CDRT4: variants seen among roughly 807,000 people sequenced by gnomAD.
The protein encoded by CDRT4 is CMT1A duplicated region transcript 4 protein.
For synonymous variants in CDRT4, 64 were observed against 69.6 expected, an observed-to-expected ratio of 0.92 and a Z score of 0.40; for missense variants, 167 against 193.1, an observed-to-expected ratio of 0.87 and a Z score of 0.80.
rs908080326 is a variant in CDRT4, at chr17:15,436,142, G to C, written c.*1631C>G. Reference sequence around the variant, plus strand: ...TTCGAAGAATTCATTCTGGCCAACAGTTGGGAACCAATAACAGGTCTAGAG... The same window carrying C: ...TTCGAAGAATTCATTCTGGCCAACACTTGGGAACCAATAACAGGTCTAGAG... On this transcript the variant is annotated 3_prime_UTR_variant, in exon 4 of 4. Coordinates refer to ENST00000619038, the MANE Select transcript of CDRT4 (RefSeq NM_001204477.2). The C allele has an allele frequency of 1.3e-5, 2 of 152,198 alleles. No individual in the cohort carries two copies. Among genetic ancestry groups the C allele is most frequent in the African/African-American group, 4.8e-5 (2 of 41,448 alleles). 9.4% of individuals were successfully genotyped at this position (152,198 alleles called of 1,614,324 possible).
rs147439329 is a variant in CDRT4 at position 15,464,932 on chromosome 17, AACAC to A, written c.-130+2524_-130+2527del. Reference sequence around the variant, plus strand: ...GGTTCAAGAAAGTGCAAGTGGGTGCAACACACACACACACCAACACACAGACACA... The same window carrying A: ...GGTTCAAGAAAGTGCAAGTGGGTGCAACACACACACCAACACACAGACACA... On this transcript the variant is annotated intron_variant, in intron 1 of 3. Transcript: ENST00000619038. This position sits in a 1 kb window ranked among gnomAD's most constrained non-coding sequence, Gnocchi z 4.5. 2.0e-5 allele frequency among the ~76,000 whole-genome samples: 3 copies of A among 151,648 alleles called. No individual in the cohort carries two copies. In the South Asian group the frequency reaches 6.2e-4, roughly 32 times the overall value.
chr17:15,437,899 A>C lies in CDRT4; in HGVS notation c.333T>G (p.Ala111=). The C allele has an allele frequency of 6.2e-7, 1 of 1,614,130 alleles. No homozygotes were observed. Among genetic ancestry groups the C allele is most frequent in the Non-Finnish European group, 8.5e-7 (1 of 1,180,030 alleles). Residue 111 remains alanine (A), a synonymous_variant, in exon 4 of 4, where the codon GCT becomes GCG. Coordinates refer to ENST00000619038, the MANE Select transcript of CDRT4 (RefSeq NM_001204477.2). The stretch of plus-strand genomic sequence containing the variant: ...GTGTGGGTTCTGGGATCATGGTAGG[A>C]GCCATGGCCAATACCGAATAAGCGC... The part of the protein sequence containing the change: ...MWGAYSVLAM[A]PTMIPEPTHL...
rs1466990232 is a variant in CDRT4, at chr17:15,436,234, A to C, written c.*1539T>G. ...CCAGAGGTGAGTTCTCCAAAGCTGC[A>C]CCTGTGTCTGCAAACGTTTACACAA... is the stretch of plus-strand genomic sequence containing the variant. On this transcript the variant is annotated 3_prime_UTR_variant, in exon 4 of 4. Coordinates refer to ENST00000619038, the MANE Select transcript of CDRT4 (RefSeq NM_001204477.2). 1 of 152,196 alleles carries C rather than the reference A, an allele frequency of 6.6e-6. No homozygotes were observed. The highest frequency in any genetic ancestry group is 1.9e-4 in the East Asian group (1 of 5,188). 9.4% of individuals were successfully genotyped at this position (152,196 alleles called of 1,614,324 possible). A position where few individuals can be genotyped will look rare whatever the true frequency, so the allele number is the denominator to read the frequency against.
At position 15,440,194 on chromosome 17, in the gene CDRT4, A is replaced by T; in HGVS notation, c.31+14T>A. The T allele has an allele frequency of 6.2e-7, 1 of 1,612,700 alleles. No homozygotes were observed. Among genetic ancestry groups the T allele is most frequent in the African/African-American group, 1.3e-5 (1 of 74,538 alleles). ...CAGTGCAGGAGCTTCCACTGGTAAC[A>T]CTCCCAACCCTACCTTCTTCTTTCT... On this transcript the variant is annotated intron_variant, in intron 3 of 3. Coordinates refer to ENST00000619038, the MANE Select transcript of CDRT4 (RefSeq NM_001204477.2).
At chr17:15,466,886 T>C (rs1300526508) in intron 1 of CDRT4, among the ~76,000 whole-genome samples, 3 of 152,250 alleles carry the variant, frequency 2.0e-5, no homozygotes, top group Non-Finnish European at 4.4e-5. Flanking sequence ...TTGATTATTA[T>C]TGTTTTGTAA....
intron 2 of CDRT4, among the ~76,000 whole-genome samples, chr17:15,443,090 T>G (rs1411510055): frequency 6.6e-6 from 1 of 152,092 alleles, no homozygotes; most frequent in African/African-American, 2.4e-5. Flanking sequence ...GCTCAATCTC[T>G]CATCCCACCA....
intron 2 of CDRT4, 129 bp downstream of exon 2, chr17:15,452,875 T>TCC (rs2150793266): frequency 6.6e-6 from 1 of 152,210 alleles, no homozygotes; most frequent in Non-Finnish European, 1.5e-5. Context: ...TCTTTCTCTT[T>TCC]CTCTCTCTCC....
At chr17:15,443,980 G>A in intron 2 of CDRT4, 2 of 723,220 alleles carry the variant, frequency 2.8e-6, no homozygotes, top group South Asian at 1.4e-5. Context: ...AATTTCTTGG[G>A]TGAAAAATAC....
rs147439329 is a variant in CDRT4, at chr17:15,464,932, AAC to A, written c.-130+2526_-130+2527del. Among the ~76,000 whole-genome samples, 123 of 151,756 alleles carry A rather than the reference AAC, an allele frequency of 8.1e-4. No individual in the cohort carries two copies. The highest frequency in any genetic ancestry group is 1.5e-3 in the Non-Finnish European group (103 of 67,820). On this transcript the variant is annotated intron_variant, in intron 1 of 3. Coordinates refer to ENST00000619038, the MANE Select transcript of CDRT4 (RefSeq NM_001204477.2). The surrounding 1 kb of genome is among the most constrained non-coding windows in gnomAD (Gnocchi z 4.5). The stretch of plus-strand genomic sequence containing the variant: ...GGTTCAAGAAAGTGCAAGTGGGTGC[AAC>A]ACACACACACACCAACACACAGACA...
intron 2 of CDRT4, among the ~76,000 whole-genome samples, chr17:15,446,931 TCATGCACA>T (rs1979053365): frequency 6.6e-6 from 1 of 152,330 alleles, no homozygotes; most frequent in Non-Finnish European, 1.5e-5. Flanking sequence ...ACATATTCAT[TCATGCACA>T]CATGCACACA....
At chr17:15,444,259 A>G in intron 2 of CDRT4, 1 of 576,854 alleles carries the variant, frequency 1.7e-6, no homozygotes. Context: ...TGTGATATTT[A>G]AAAGATGCAA....
intron 1 of CDRT4, among the ~76,000 whole-genome samples, chr17:15,459,693 G>C (rs1025534285): frequency 6.6e-5 from 10 of 151,922 alleles, no homozygotes; most frequent in Non-Finnish European, 1.5e-4. Context: ...TGATCCGCCC[G>C]CCTCGGCCTC....
chr17:15,444,301 C>T (rs1978917263), intron 2 of CDRT4: 1 of 485,556 alleles, frequency 2.1e-6, no homozygotes, highest in African/African-American at 2.0e-5. Flanking sequence ...AAAAAAATGT[C>T]TGGAAATTAA....
intron 2 of CDRT4, among the ~76,000 whole-genome samples, chr17:15,441,663 G>C (rs531491132): frequency 6.6e-6 from 1 of 152,140 alleles, no homozygotes; most frequent in East Asian, 1.9e-4. Context: ...TTTTTATAGA[G>C]TAAATTATTC....
At chr17:15,447,785 C>A (rs1330911820) in intron 2 of CDRT4, among the ~76,000 whole-genome samples, 1 of 152,114 alleles carries the variant, frequency 6.6e-6, no homozygotes, top group Non-Finnish European at 1.5e-5. Context: ...CCAGAACTAG[C>A]CAAGCAGGCA....
Position 15,437,897 on chromosome 17 carries a change from G to C in CDRT4, c.335C>G (p.Pro112Arg). 1 of 1,614,190 alleles carries C rather than the reference G, an allele frequency of 6.2e-7. No homozygotes were observed. The highest frequency in any genetic ancestry group is 8.5e-7 in the Non-Finnish European group (1 of 1,180,030). Residue 112 changes from proline to arginine, a missense_variant, in exon 4 of 4, where the codon CCT (proline) becomes CGT (arginine). Coordinates refer to ENST00000619038, the MANE Select transcript of CDRT4 (RefSeq NM_001204477.2). The stretch of plus-strand genomic sequence containing the variant: ...GTGTGTGGGTTCTGGGATCATGGTA[G>C]GAGCCATGGCCAATACCGAATAAGC... The part of the protein sequence containing the change: ...WGAYSVLAMA[P>R]TMIPEPTHLH...
At chr17:15,456,325 A>G (rs1346737944) in intron 1 of CDRT4, among the ~76,000 whole-genome samples, 3 of 152,200 alleles carry the variant, frequency 2.0e-5, no homozygotes, top group Admixed American at 2.0e-4. Flanking sequence ...GAAGGCTCAG[A>G]GATGGAGTTA....
intron 2 of CDRT4, chr17:15,444,029 A>C (rs1978900936): frequency 4.9e-6 from 4 of 814,058 alleles, no homozygotes; most frequent in Non-Finnish European, 6.2e-6. Context: ...TTGCCTGTTC[A>C]GTATCTCAAA....
In CDRT4 at chr17:15,438,012, T is replaced by C. The variant is rs1978576267; in HGVS notation, c.220A>G (p.Ile74Val). ...GAAGACTTCCTCCTTTTCGGCTGAA[T>C]GACGCTGGAAGGTTTATTCTGCCTT... is the stretch of plus-strand genomic sequence containing the variant. ...ASRQNKPSSV[I>V]QPKRRKSSKS... Residue 74 changes from isoleucine (I) to valine (V), a missense_variant, in exon 4 of 4, where the codon ATT becomes GTT. By Grantham distance (29) the Ile-to-Val change is conservative (BLOSUM62 3). Transcript: ENST00000619038. 32 of 1,614,104 alleles carry C rather than the reference T, an allele frequency of 2.0e-5. No homozygotes were observed. The East Asian group carries it at 6.9e-4, about 35-fold the overall frequency.
Sources: gnomAD v4.1 joint callset for allele counts (sites outside exome capture counted in the v4.1 genomes callset) on GRCh38, gnomAD v4.1.1 for gene constraint, Gnocchi (gnomAD v3.1) non-coding constraint, MANE v1.5 for transcripts, NCBI Gene and HGNC (gene_info 2026-07-23, HGNC 2026-07-21) for gene names.